PCDHGA5: variants seen among roughly 807,000 people sequenced by gnomAD.
The protein encoded by PCDHGA5 is protocadherin gamma-A5.
PCDHGA5 carries 36 observed loss-of-function variants against 56.7 expected under a neutral mutation model. That is an observed-to-expected ratio of 0.64 (90% CI 0.49 to 0.84). The LOEUF (loss-of-function observed/expected upper bound fraction) is 0.84, where lower values mean the gene tolerates loss of function less well. Ranked by LOEUF, PCDHGA5 falls within the 40% of genes least tolerant of loss-of-function variation. The pLI is 0.00. For synonymous variants in PCDHGA5, 563 were observed against 520.2 expected (o/e 1.08, Z -1.12); for missense variants, 1,305 against 1,201.5 (o/e 1.09, Z -1.27).
At chr5:141,478,088 A>G (rs2099429877) in intron 1 of PCDHGA5, 2 of 1,613,944 alleles carry the variant, frequency 1.2e-6, no homozygotes, top group African/African-American at 1.3e-5. Context: ...TTCGCTCTCC[A>G]CCACTGCTAC....
intron 1 of PCDHGA5, chr5:141,396,140 G>A (rs1199993001): frequency 2.0e-5 from 3 of 152,178 alleles, no homozygotes; most frequent in Non-Finnish European, 4.4e-5. Flanking sequence ...TTCTAAATAA[G>A]CTGATCAATT....
At position 141,432,993 on chromosome 5, in the gene PCDHGA5, G is replaced by C. The variant is rs749499789; in HGVS notation, c.2422-61814G>C. 7 of 1,614,208 alleles carry C rather than the reference G, an allele frequency of 4.3e-6. No homozygotes were observed. In the South Asian group the frequency reaches 7.7e-5, roughly 18 times the overall value. On this transcript the variant is annotated intron_variant, in intron 1 of 3. Transcript: ENST00000518069. This position sits in a 1 kb window ranked among gnomAD's most constrained non-coding sequence, Gnocchi z 6.0. ...GCGTCGCACTTTGTGGGCGTGGACG[G>C]GGTGCAGGCTTTCCTGCAGACCTAT...
At chr5:141,374,951 C>T (rs780549456) in intron 1 of PCDHGA5, 2 of 1,614,018 alleles carry the variant, frequency 1.2e-6, no homozygotes, top group Non-Finnish European at 1.7e-6. Context: ...AAAGATCTCA[C>T]AAATTTTCTG....
chr5:141,483,756 G>C (rs11739909), intron 1 of PCDHGA5, among the ~76,000 whole-genome samples: 24,641 of 152,020 alleles, frequency 0.16, 2,128 homozygotes, highest in African/African-American at 0.22. Context: ...GAGGATCGAG[G>C]CTTGGAAAAA....
Position 141,394,523 on chromosome 5 carries a change from C to A in PCDHGA5, c.2421+27772C>A, listed in dbSNP as rs373702756. ...TCCTGTACCCCGCCCTCCCCACAGACGGTTCCACTGGCGTGGAGCTGGCGC... is the reference window on the plus strand; with the variant it reads ...TCCTGTACCCCGCCCTCCCCACAGAAGGTTCCACTGGCGTGGAGCTGGCGC... On this transcript the variant is annotated intron_variant, in intron 1 of 3. Transcript: ENST00000518069. The A allele has an allele frequency of 1.1e-5, 17 of 1,614,116 alleles. No homozygotes were observed. The highest frequency in any genetic ancestry group is 5.3e-5 in the African/African-American group (4 of 74,950).
chr5:141,451,521 T>A (rs1164313767), intron 1 of PCDHGA5, among the ~76,000 whole-genome samples: 2 of 152,148 alleles, frequency 1.3e-5, no homozygotes, highest in African/African-American at 4.8e-5. Flanking sequence ...TTAGAGCAAG[T>A]AAAGGAGAGT....
intron 1 of PCDHGA5, chr5:141,372,479 G>A (rs568230269): frequency 1.9e-6 from 3 of 1,614,020 alleles, no homozygotes; most frequent in African/African-American, 2.7e-5. Flanking sequence ...TAGTAGTGGC[G>A]TTGGCCTTGA....
intron 1 of PCDHGA5, among the ~76,000 whole-genome samples, chr5:141,460,672 TATATCTATATA>T (rs2098995194): frequency 6.6e-6 from 1 of 152,086 alleles, no homozygotes; most frequent in Admixed American, 6.6e-5. Flanking sequence ...AACACAGTTA[TATATCTATATA>T]TCCACCAACA....
chr5:141,391,293 A>G (rs1043661475), intron 1 of PCDHGA5: 15 of 151,834 alleles, frequency 9.9e-5, no homozygotes, highest in Admixed American at 3.3e-4. Context: ...AAAGAAGGAA[A>G]CGTCTTTCGA....
At position 141,366,058 on chromosome 5, in the gene PCDHGA5, G is replaced by A; in HGVS notation, c.1728G>A (p.Glu576=). 1.2e-6 allele frequency: 2 copies of A among 1,614,242 alleles called. No individual in the cohort carries two copies. The highest frequency in any genetic ancestry group is 1.7e-6 in the Non-Finnish European group (2 of 1,180,050). Residue 576 remains glutamate, a synonymous_variant, in exon 1 of 4, where the codon GAG becomes GAA. Transcript: ENST00000518069. ...CCACAGACGGTTCCACGGGCGTGGA[G>A]CTGGCGCCTCGCTCCGCAGAACCTG... ...ALPTDGSTGV[E]LAPRSAEPGY...
rs1354360582 is a variant in PCDHGA5 at position 141,491,147 on chromosome 5, A to T, written c.2422-3660A>T. On this transcript the variant is annotated intron_variant, in intron 1 of 3. Transcript: ENST00000518069. The surrounding 1 kb of genome is among the most constrained non-coding windows in gnomAD (Gnocchi z 6.9). ...GTGCGCACAGCCCGGGCCTTACTGG[A>T]GGATGACTCTGACACCCAGCAGGTG... The T allele has an allele frequency of 1.9e-6, 3 of 1,613,980 alleles. No homozygotes were observed. The highest frequency in any genetic ancestry group is 2.5e-6 in the Non-Finnish European group (3 of 1,179,994).
rs919100488 is a variant in PCDHGA5 at position 141,511,573 on chromosome 5, G to A, written c.*400G>A. On this transcript the variant is annotated 3_prime_UTR_variant, in exon 4 of 4. Transcript: ENST00000518069. ...ACAGTTCCTCTTTCCCGAGTAAGGT[G>A]GTTGGGGTGTTGAAGTACCAAGTAA... 1.1e-4 allele frequency: 33 copies of A among 288,248 alleles called. No individual in the cohort carries two copies. Among genetic ancestry groups the A allele is most frequent in the African/African-American group, 7.1e-4 (33 of 46,356 alleles). The allele number at this position is 288,248 out of a possible 1,614,324, so 17.9% of individuals were successfully genotyped here.
intron 1 of PCDHGA5, chr5:141,400,326 T>A: frequency 6.2e-7 from 1 of 1,614,104 alleles, no homozygotes; most frequent in Non-Finnish European, 8.5e-7. Flanking sequence ...AGTCTGGACC[T>A]GTGGTTCCCC....
chr5:141,458,551 T>A (rs1019302178), intron 1 of PCDHGA5, among the ~76,000 whole-genome samples: 1 of 148,194 alleles, frequency 6.7e-6, no homozygotes, highest in Non-Finnish European at 1.5e-5. Flanking sequence ...TTTGTTTGTT[T>A]GTTTTGGTTT....
chr5:141,396,870 A>G (rs536206475), intron 1 of PCDHGA5, among the ~76,000 whole-genome samples: 3 of 152,328 alleles, frequency 2.0e-5, no homozygotes, highest in African/African-American at 7.2e-5. Flanking sequence ...TACCATTTGG[A>G]TGCACATTTG....
intron 1 of PCDHGA5, among the ~76,000 whole-genome samples, chr5:141,407,652 A>G (rs2094964200): frequency 6.6e-6 from 1 of 152,020 alleles, no homozygotes; most frequent in Non-Finnish European, 1.5e-5. Flanking sequence ...ATAATGGGGG[A>G]GCGCAGTATA....
chr5:141,497,104 T>C (rs757158984), intron 2 of PCDHGA5, among the ~76,000 whole-genome samples: 44 of 151,910 alleles, frequency 2.9e-4, no homozygotes, highest in Non-Finnish European at 5.9e-4. Context: ...CAGAACTGCT[T>C]GAACCCGGAA....
chr5:141,422,150 T>A (rs773805631), intron 1 of PCDHGA5: 1 of 1,577,174 alleles, frequency 6.3e-7, no homozygotes, highest in Non-Finnish European at 8.6e-7. Context: ...CGGGGGTCTC[T>A]GGATTTTGAA....
intron 1 of PCDHGA5, chr5:141,475,971 C>T (rs750016455): frequency 2.1e-5 from 20 of 954,292 alleles, no homozygotes; most frequent in Non-Finnish European, 2.9e-5. Context: ...GAGGCAGAGA[C>T]TGAACAGCCG....
Sources: gnomAD v4.1 joint callset for allele counts (sites outside exome capture counted in the v4.1 genomes callset) on GRCh38, gnomAD v4.1.1 for gene constraint, Gnocchi (gnomAD v3.1) non-coding constraint, MANE v1.5 for transcripts, NCBI Gene and HGNC (gene_info 2026-07-23, HGNC 2026-07-21) for gene names.